The following SYNDIG1 variants were observed in gnomAD, a reference collection of about 807,000 sequenced individuals.
The protein encoded by SYNDIG1 is synapse differentiation-inducing gene protein 1.
SYNDIG1 carries 9 observed loss-of-function variants against 19.4 expected under a neutral mutation model. The ratio of observed to expected loss-of-function variants is 0.46; its 90% CI spans 0.28 to 0.81. The LOEUF (loss-of-function observed/expected upper bound fraction) is 0.81. Ranked by LOEUF, SYNDIG1 falls within the 30% of genes least tolerant of loss-of-function variation. The pLI, the probability that SYNDIG1 is intolerant of heterozygous loss-of-function variation, is 0.12. For missense variants in SYNDIG1, 311 were observed against 343.3 expected (o/e 0.91, Z 0.74); for synonymous variants, 141 against 145.9 (o/e 0.97, Z 0.24).
At chr20:24,527,733 G>C (rs2057158084) in intron 1 of SYNDIG1, among the ~76,000 whole-genome samples, 1 of 152,162 alleles carries the variant, frequency 6.6e-6, no homozygotes, top group Non-Finnish European at 1.5e-5. Flanking sequence ...GCAATCGACA[G>C]AACAGTGGTT....
intron 1 of SYNDIG1, among the ~76,000 whole-genome samples, chr20:24,515,975 T>C (rs1297032291): frequency 6.6e-6 from 1 of 152,160 alleles, no homozygotes; most frequent in Non-Finnish European, 1.5e-5. Context: ...AGCATGGTAC[T>C]GGTACCAAAA....
chr20:24,485,272 G>C (rs2055923867), intron 1 of SYNDIG1, among the ~76,000 whole-genome samples: 1 of 152,186 alleles, frequency 6.6e-6, no homozygotes. Flanking sequence ...TATATTCTTA[G>C]TGTGTCATAT....
At chr20:24,643,562 C>A (rs1276841104) in intron 3 of SYNDIG1, among the ~76,000 whole-genome samples, 2 of 152,240 alleles carry the variant, frequency 1.3e-5, no homozygotes, top group East Asian at 3.9e-4. Context: ...AGTCTCCACT[C>A]GTTTCCAGGG....
At chr20:24,588,319 G>A (rs2058450679) in intron 3 of SYNDIG1, among the ~76,000 whole-genome samples, 1 of 152,192 alleles carries the variant, frequency 6.6e-6, no homozygotes, top group Non-Finnish European at 1.5e-5. Context: ...ACCTTTCCCA[G>A]CAGATTTTGC....
chr20:24,512,156 C>G (rs1426641130), intron 1 of SYNDIG1, among the ~76,000 whole-genome samples: 1 of 95,750 alleles, frequency 1.0e-5, no homozygotes, highest in African/African-American at 4.4e-5. Flanking sequence ...TATATATATG[C>G]AGTGGTTCCA....
At chr20:24,589,351 T>C (rs935182615) in intron 3 of SYNDIG1, among the ~76,000 whole-genome samples, 4 of 152,172 alleles carry the variant, frequency 2.6e-5, no homozygotes, top group Non-Finnish European at 4.4e-5. Flanking sequence ...GAGGGAAATA[T>C]TAATATTTCT....
chr20:24,471,061 T>A (rs1233294246), intron 1 of SYNDIG1, among the ~76,000 whole-genome samples: 1 of 151,992 alleles, frequency 6.6e-6, no homozygotes, highest in African/African-American at 2.4e-5. Context: ...TATCTGTCCG[T>A]CTCCCTCCTA....
At chr20:24,560,161 C>T (rs60192769) in intron 2 of SYNDIG1, among the ~76,000 whole-genome samples, 7,059 of 145,750 alleles carry the variant, frequency 0.048, 282 homozygotes, top group African/African-American at 0.1. Context: ...TTCTGCCTCC[C>T]GGGTTCCAGT....
intron 3 of SYNDIG1, among the ~76,000 whole-genome samples, chr20:24,586,545 C>T (rs537226195): frequency 2.3e-4 from 35 of 152,342 alleles, no homozygotes; most frequent in Admixed American, 7.2e-4. Flanking sequence ...ACATAAACTG[C>T]ACCCTGATGC....
intron 2 of SYNDIG1, among the ~76,000 whole-genome samples, chr20:24,572,586 C>A (rs904534328): frequency 6.6e-6 from 1 of 152,114 alleles, no homozygotes; most frequent in Admixed American, 6.5e-5. Flanking sequence ...TCATTCAAGC[C>A]GAAGAAGCTT....
chr20:24,577,348 C>A (rs551234050), intron 2 of SYNDIG1, among the ~76,000 whole-genome samples: 1 of 152,246 alleles, frequency 6.6e-6, no homozygotes, highest in Non-Finnish European at 1.5e-5. Context: ...CTTCTACAGC[C>A]AGGCAGCCCA....
At chr20:24,555,283 G>GT (rs1339333855) in intron 2 of SYNDIG1, among the ~76,000 whole-genome samples, 24 of 152,192 alleles carry the variant, frequency 1.6e-4, no homozygotes, top group Admixed American at 5.2e-4. Flanking sequence ...TTTTTGAAGG[G>GT]TTTTTTGTGT....
intron 1 of SYNDIG1, among the ~76,000 whole-genome samples, chr20:24,500,543 T>A (rs1175506234): frequency 6.8e-6 from 1 of 148,052 alleles, no homozygotes; most frequent in Non-Finnish European, 1.5e-5. Flanking sequence ...CTTTCTTTCT[T>A]TCTTTCTTTT....
chr20:24,584,166 C>G (rs1311756695), intron 2 of SYNDIG1, among the ~76,000 whole-genome samples: 1 of 152,202 alleles, frequency 6.6e-6, no homozygotes, highest in East Asian at 1.9e-4. Context: ...GGCCACAGAG[C>G]AGAAGGGCAC....
intron 1 of SYNDIG1, among the ~76,000 whole-genome samples, chr20:24,541,778 A>G (rs1012453655): frequency 6.6e-6 from 1 of 152,220 alleles, no homozygotes; most frequent in Non-Finnish European, 1.5e-5. Flanking sequence ...AAAAATAAAT[A>G]AAAAATCCCA....
chr20:24,560,839 C>G (rs904855574), intron 2 of SYNDIG1, among the ~76,000 whole-genome samples: 1 of 149,346 alleles, frequency 6.7e-6, no homozygotes, highest in African/African-American at 2.5e-5. Flanking sequence ...ATTTTTACCC[C>G]TAAGGTTATG....
chr20:24,558,348 C>G (rs1235729451), intron 2 of SYNDIG1, among the ~76,000 whole-genome samples: 1 of 152,152 alleles, frequency 6.6e-6, no homozygotes, highest in Admixed American at 6.5e-5. Flanking sequence ...TCTGTCTTGT[C>G]TGATATTAAC....
At chr20:24,478,333 G>A (rs1012792152) in intron 1 of SYNDIG1, among the ~76,000 whole-genome samples, 2 of 152,196 alleles carry the variant, frequency 1.3e-5, no homozygotes, top group Non-Finnish European at 2.9e-5. Context: ...GGTGGAGACT[G>A]AGCTTTGGCT....
chr20:24,500,147 G>C (rs1183722222), intron 1 of SYNDIG1, among the ~76,000 whole-genome samples: 1 of 152,020 alleles, frequency 6.6e-6, no homozygotes, highest in African/African-American at 2.4e-5. Flanking sequence ...AAAAGCACCA[G>C]AACTTGCTAG....
Sources: allele counts gnomAD v4.1 joint callset (sites outside exome capture counted in the v4.1 genomes callset), GRCh38; gene constraint gnomAD v4.1.1; transcripts MANE v1.5; gene names NCBI Gene and HGNC (gene_info 2026-07-23, HGNC 2026-07-21).